Variants in TRPC1 observed in about 807,000 individuals in gnomAD.
TRPC1 encodes the protein transient receptor potential cation channel subfamily C member 1, also known as short transient receptor potential channel 1.
TRPC1 carries 42 observed loss-of-function variants against 88.2 expected under a neutral mutation model. The observed-to-expected ratio is 0.48, with a 90% CI of 0.37 to 0.62. The LOEUF (loss-of-function observed/expected upper bound fraction) is 0.62, where lower values mean the gene tolerates loss of function less well. Ranked by LOEUF, TRPC1 falls within the 20% of genes least tolerant of loss-of-function variation. TRPC1 has a pLI of 0.00. For synonymous variants in TRPC1, 288 were observed against 331.8 expected (o/e 0.87, Z 1.43); for missense variants, 699 against 957.3 (o/e 0.73, Z 3.56).
At chr3:142,800,734 T>C (rs1178798128) in intron 9 of TRPC1, among the ~76,000 whole-genome samples, 3 of 151,830 alleles carry the variant, frequency 2.0e-5, no homozygotes, top group African/African-American at 7.3e-5. Flanking sequence ...TTGGACAACA[T>C]AGTGAAACCC....
intron 1 of TRPC1, among the ~76,000 whole-genome samples, chr3:142,730,106 G>C (rs1165554955): frequency 6.6e-6 from 1 of 151,860 alleles, no homozygotes; most frequent in African/African-American, 2.4e-5. Context: ...TTCTGAGACT[G>C]TGTTGCAACA....
intron 4 of TRPC1, among the ~76,000 whole-genome samples, chr3:142,766,210 G>A (rs1013652596): frequency 3.3e-5 from 5 of 152,086 alleles, no homozygotes; most frequent in Non-Finnish European, 7.4e-5. Flanking sequence ...AGGGTACAAA[G>A]TATTGATCCT....
chr3:142,771,804 T>C (rs1935589281), intron 4 of TRPC1, among the ~76,000 whole-genome samples: 1 of 152,192 alleles, frequency 6.6e-6, no homozygotes, highest in Non-Finnish European at 1.5e-5. Flanking sequence ...TTTAAATCAC[T>C]TGCTTTCAGC....
At chr3:142,756,845 G>A (rs905700518) in intron 4 of TRPC1, among the ~76,000 whole-genome samples, 5 of 152,080 alleles carry the variant, frequency 3.3e-5, no homozygotes, top group Admixed American at 2.6e-4. Flanking sequence ...GTACAGTTCA[G>A]TGGTAATAAA....
At chr3:142,791,536 T>C (rs1166100108) in intron 8 of TRPC1, among the ~76,000 whole-genome samples, 1 of 152,088 alleles carries the variant, frequency 6.6e-6, no homozygotes, top group Non-Finnish European at 1.5e-5. Flanking sequence ...CAAGACTGGA[T>C]TTAAATCCTG....
chr3:142,774,155 T>C (rs968605494), intron 4 of TRPC1, among the ~76,000 whole-genome samples: 11 of 152,230 alleles, frequency 7.2e-5, no homozygotes, highest in African/African-American at 2.7e-4. Flanking sequence ...AAGTTTGTAC[T>C]ATCTGCTAAT....
chr3:142,733,755 A>G (rs1218734163), intron 1 of TRPC1, among the ~76,000 whole-genome samples: 1 of 152,252 alleles, frequency 6.6e-6, no homozygotes, highest in Non-Finnish European at 1.5e-5. Flanking sequence ...AATTATAGCT[A>G]AAATATAATG....
Position 142,804,545 on chromosome 3 carries a change from C to G in TRPC1, c.2069C>G (p.Thr690Ser). The G allele has an allele frequency of 6.2e-7, 1 of 1,613,640 alleles. No individual in the cohort carries two copies. The highest frequency in any genetic ancestry group is 8.5e-7 in the Non-Finnish European group (1 of 1,179,762). Residue 690 changes from threonine (T) to serine (S), a missense_variant, in exon 12 of 13, where the codon ACT (threonine) becomes AGT (serine). Transcript: ENST00000476941. ...TTCAACATCATTCCCTCACCAAAGACTATCTGCTATATGATTAGTAGCCTC... is the reference window on the plus strand; with the variant it reads ...TTCAACATCATTCCCTCACCAAAGAGTATCTGCTATATGATTAGTAGCCTC... ...PPFNIIPSPK[T>S]ICYMISSLSK...
chr3:142,782,869 C>T (rs1026557923), intron 6 of TRPC1, among the ~76,000 whole-genome samples: 1 of 152,184 alleles, frequency 6.6e-6, no homozygotes, highest in Non-Finnish European at 1.5e-5. Flanking sequence ...TGGGCTTCCT[C>T]ACAGCATGGT....
intron 3 of TRPC1, among the ~76,000 whole-genome samples, chr3:142,746,731 A>C (rs1001092151): frequency 6.6e-6 from 1 of 152,178 alleles, no homozygotes; most frequent in Non-Finnish European, 1.5e-5. Context: ...AATATAAACT[A>C]TTAAAAGGAC....
chr3:142,795,123 C>T (rs1472998603), intron 9 of TRPC1, among the ~76,000 whole-genome samples: 2 of 151,950 alleles, frequency 1.3e-5, no homozygotes, highest in African/African-American at 4.8e-5. Flanking sequence ...TAGAAAAACA[C>T]ATTAGTAAAC....
rs1004184884 is a variant in TRPC1 at position 142,806,976 on chromosome 3, T to C, written c.*741T>C. ...ATAGAATTATATAGTTTTTGAAAAA[T>C]ACAGTCAGTAGATGTTTTATTTTTT... On this transcript the variant is annotated 3_prime_UTR_variant, in exon 13 of 13. Coordinates refer to ENST00000476941, the MANE Select transcript of TRPC1 (RefSeq NM_001251845.2). The C allele has an allele frequency of 2.0e-5, 3 of 152,096 alleles. No individual in the cohort carries two copies. Among genetic ancestry groups the C allele is most frequent in the African/African-American group, 4.8e-5 (2 of 41,460 alleles). 9.4% of individuals were successfully genotyped at this position (152,096 alleles called of 1,614,324 possible).
intron 4 of TRPC1, among the ~76,000 whole-genome samples, chr3:142,752,086 G>A (rs1934784931): frequency 6.6e-6 from 1 of 152,136 alleles, no homozygotes; most frequent in Non-Finnish European, 1.5e-5. Context: ...GGTATTTCTA[G>A]TTGGGTGGGA....
Position 142,802,405 on chromosome 3 carries a change from A to G in TRPC1, c.1757+61A>G, listed in dbSNP as rs1194251684. ...GTCTTTTTTTTTTTTACCATCTTCT[A>G]TATGAATTAGTATCTATAGAAATGG... is the stretch of plus-strand genomic sequence containing the variant. On this transcript the variant is annotated intron_variant, in intron 10 of 12. Coordinates refer to ENST00000476941, the MANE Select transcript of TRPC1 (RefSeq NM_001251845.2). The G allele has an allele frequency of 1.3e-5, 15 of 1,162,178 alleles. 1 individual carries two copies. The East Asian group carries it at 4.0e-4, about 31-fold the overall frequency. The allele number at this position is 1,162,178 out of a possible 1,614,324, so 72.0% of individuals were successfully genotyped here.
At chr3:142,725,141 C>G (rs962279996) in intron 1 of TRPC1, among the ~76,000 whole-genome samples, 2 of 152,248 alleles carry the variant, frequency 1.3e-5, no homozygotes, top group African/African-American at 2.4e-5. Flanking sequence ...ATTCCGTCAC[C>G]TTACCTTAGG....
intron 4 of TRPC1, among the ~76,000 whole-genome samples, chr3:142,771,292 C>G (rs1053687885): frequency 6.6e-6 from 1 of 152,038 alleles, no homozygotes; most frequent in Non-Finnish European, 1.5e-5. Flanking sequence ...ACTGGTTTCT[C>G]TAGGACTTGT....
chr3:142,768,475 C>T (rs1935471398), intron 4 of TRPC1, among the ~76,000 whole-genome samples: 1 of 151,918 alleles, frequency 6.6e-6, no homozygotes, highest in Admixed American at 6.6e-5. Context: ...GCTTGTTTTT[C>T]TTAATTTAAA....
chr3:142,793,917 A>C (rs774039376), intron 9 of TRPC1: 12 of 984,980 alleles, frequency 1.2e-5, no homozygotes, highest in Non-Finnish European at 1.4e-5. Flanking sequence ...TGTTTCCTGA[A>C]GTGTGGCTCT....
At chr3:142,783,603 T>C (rs1936033389) in intron 6 of TRPC1, among the ~76,000 whole-genome samples, 1 of 152,198 alleles carries the variant, frequency 6.6e-6, no homozygotes, top group Admixed American at 6.5e-5. Context: ...TGATCCATGG[T>C]TGGTTTAATC....
Sources: allele counts gnomAD v4.1 joint callset (sites outside exome capture counted in the v4.1 genomes callset), GRCh38; gene constraint gnomAD v4.1.1; transcripts MANE v1.5; gene names NCBI Gene and HGNC (gene_info 2026-07-23, HGNC 2026-07-21).